The following ADGRL2 variants were observed in gnomAD, a reference collection of about 807,000 sequenced individuals.
The protein encoded by ADGRL2 is adhesion G protein-coupled receptor L2.
Under a neutral mutation model 157.4 loss-of-function variants are expected in ADGRL2, and 44 were observed. The observed-to-expected ratio is 0.28, with a 90% CI of 0.22 to 0.36. The LOEUF is 0.36. Among genes scored for constraint, ADGRL2 ranks in the 10% least tolerant of loss-of-function variants. The probability of loss-of-function intolerance (pLI) is 1.00; values close to 1 mark genes in which losing one functional copy is unlikely to be tolerated. For synonymous variants in ADGRL2, 585 were observed against 624.7 expected, an observed-to-expected ratio of 0.94 and a Z score of 0.95; for missense variants, 1,510 against 1,768.9, an observed-to-expected ratio of 0.85 and a Z score of 2.63.
At chr1:81,511,813 A>G (rs2079084193) in intron 2 of ADGRL2, among the ~76,000 whole-genome samples, 1 of 151,770 alleles carries the variant, frequency 6.6e-6, no homozygotes, top group Admixed American at 6.6e-5. Flanking sequence ...TTTTTTCTTT[A>G]AACACTTATG....
intron 19 of ADGRL2, among the ~76,000 whole-genome samples, chr1:81,983,989 A>G (rs1287705077): frequency 6.6e-6 from 1 of 152,084 alleles, no homozygotes; most frequent in Non-Finnish European, 1.5e-5. Context: ...TAGACACATC[A>G]GAAAATGAAG....
intron 2 of ADGRL2, among the ~76,000 whole-genome samples, chr1:81,791,328 A>G (rs1470139939): frequency 6.6e-6 from 1 of 152,076 alleles, no homozygotes; most frequent in Non-Finnish European, 1.5e-5. Flanking sequence ...CCAAGGTTTG[A>G]GTATTGTGGG....
intron 2 of ADGRL2, among the ~76,000 whole-genome samples, chr1:81,453,404 C>A (rs2077738014): frequency 6.6e-6 from 1 of 151,984 alleles, no homozygotes; most frequent in African/African-American, 2.4e-5. Context: ...TAATGAAGAG[C>A]CAGACATTGC....
chr1:81,335,813 G>C (rs1661595392), intron 1 of ADGRL2, among the ~76,000 whole-genome samples: 1 of 149,748 alleles, frequency 6.7e-6, no homozygotes, highest in Admixed American at 6.7e-5. Flanking sequence ...TGTGTACCAC[G>C]CAGTAGGGCT....
intron 1 of ADGRL2, among the ~76,000 whole-genome samples, chr1:81,318,637 T>C (rs1660272656): frequency 1.3e-5 from 2 of 152,214 alleles, no homozygotes; most frequent in Admixed American, 6.5e-5. Context: ...ATAGCAGTTA[T>C]GGGACGGCAT....
chr1:81,763,212 G>A (rs1197055524), intron 2 of ADGRL2, among the ~76,000 whole-genome samples: 1 of 151,908 alleles, frequency 6.6e-6, no homozygotes, highest in Admixed American at 6.6e-5. Flanking sequence ...CTATTCAAAA[G>A]AGCATATTTA....
At chr1:81,454,152 A>T (rs1445057661) in intron 2 of ADGRL2, among the ~76,000 whole-genome samples, 1 of 151,788 alleles carries the variant, frequency 6.6e-6, no homozygotes, top group East Asian at 1.9e-4. Context: ...AGTCTTGAAC[A>T]TCTCAATCCT....
At chr1:81,963,060 G>T (rs189407335) in intron 11 of ADGRL2, among the ~76,000 whole-genome samples, 1 of 152,110 alleles carries the variant, frequency 6.6e-6, no homozygotes, top group East Asian at 1.9e-4. Flanking sequence ...ACAGCATTAT[G>T]TAATTCTTCA....
chr1:81,660,846 T>A (rs1310991437), intron 3 of ADGRL2, among the ~76,000 whole-genome samples: 3 of 152,180 alleles, frequency 2.0e-5, no homozygotes, highest in African/African-American at 7.2e-5. Flanking sequence ...TGTGCAATTA[T>A]ATGACAGATA....
At chr1:81,936,699 A>G in intron 3 of ADGRL2, 29 bp from the exon 4 acceptor site, 1 of 1,191,316 alleles carries the variant, frequency 8.4e-7, no homozygotes, top group Non-Finnish European at 1.2e-6. Flanking sequence ...AAATTATGTT[A>G]CACAAGTTTG....
chr1:81,773,821 A>G (rs1489236260), intron 2 of ADGRL2, among the ~76,000 whole-genome samples: 2 of 152,166 alleles, frequency 1.3e-5, no homozygotes, highest in Admixed American at 6.6e-5. Flanking sequence ...TTGCTGTCCT[A>G]ACACCTAGTA....
chr1:81,853,572 TG>T (rs1300809814), intron 2 of ADGRL2, among the ~76,000 whole-genome samples: 1 of 152,176 alleles, frequency 6.6e-6, no homozygotes, highest in Non-Finnish European at 1.5e-5. Context: ...GTTTTATCTT[TG>T]AATCTCTTTA....
chr1:81,428,147 C>A (rs574097260), intron 1 of ADGRL2, among the ~76,000 whole-genome samples: 3 of 152,096 alleles, frequency 2.0e-5, no homozygotes, highest in South Asian at 4.2e-4. Context: ...TGCTGACTTG[C>A]AATGTAAGGG....
chr1:81,433,785 T>TC (rs746115842), intron 1 of ADGRL2, among the ~76,000 whole-genome samples: 1 of 152,234 alleles, frequency 6.6e-6, no homozygotes, highest in Non-Finnish European at 1.5e-5. Context: ...TTGACTGGAC[T>TC]CTGTTGGGTT....
chr1:81,488,220 G>A (rs114167687), intron 2 of ADGRL2, among the ~76,000 whole-genome samples: 2 of 152,080 alleles, frequency 1.3e-5, no homozygotes, highest in South Asian at 4.2e-4. Flanking sequence ...TATGTCCAGG[G>A]AAAAAAGCAG....
At chr1:81,517,616 G>A (rs2079211363) in intron 2 of ADGRL2, among the ~76,000 whole-genome samples, 1 of 152,132 alleles carries the variant, frequency 6.6e-6, no homozygotes, top group South Asian at 2.1e-4. Flanking sequence ...GGAGAAAGAG[G>A]AAGTAATAGG....
intron 2 of ADGRL2, among the ~76,000 whole-genome samples, chr1:81,479,437 C>G (rs11163304): frequency 0.038 from 5,731 of 151,972 alleles, 360 homozygotes; most frequent in African/African-American, 0.13. Context: ...GAGCCAAGAT[C>G]GCGCCATTGC....
chr1:81,890,777 C>T (rs2094242361), intron 2 of ADGRL2, among the ~76,000 whole-genome samples: 1 of 152,078 alleles, frequency 6.6e-6, no homozygotes, highest in African/African-American at 2.4e-5. Context: ...TCACCTAGGT[C>T]TACAGTCTGG....
chr1:81,647,508 GA>G (rs1225853644), intron 3 of ADGRL2, among the ~76,000 whole-genome samples: 2 of 152,078 alleles, frequency 1.3e-5, no homozygotes, highest in Non-Finnish European at 1.5e-5. Flanking sequence ...GTCCCCAGAG[GA>G]AAAATAAAAT....
Sources: gnomAD v4.1 joint callset for allele counts (sites outside exome capture counted in the v4.1 genomes callset) on GRCh38, gnomAD v4.1.1 for gene constraint, MANE v1.5 for transcripts, NCBI Gene and HGNC (gene_info 2026-07-23, HGNC 2026-07-21) for gene names.